The following JOSD1 variants were observed in gnomAD, a reference collection of about 807,000 sequenced individuals.
JOSD1 encodes Josephin domain containing 1, also known as josephin-1.
A neutral mutation model predicts 24.3 loss-of-function variants in JOSD1; 11 were observed. That is an observed-to-expected ratio of 0.45 (90% CI 0.29 to 0.75). The LOEUF (loss-of-function observed/expected upper bound fraction) is 0.75. Ranked by LOEUF, JOSD1 falls within the 30% of genes least tolerant of loss-of-function variation. The pLI is 0.11. For synonymous variants in JOSD1, 106 were observed against 93.8 expected (o/e 1.13, Z -0.75); for missense variants, 184 against 253.5 (o/e 0.73, Z 1.86).
At chr22:38,697,585 G>A (rs1326132687) in intron 2 of JOSD1, among the ~76,000 whole-genome samples, 4 of 152,274 alleles carry the variant, frequency 2.6e-5, no homozygotes, top group African/African-American at 9.6e-5. Flanking sequence ...GCAGCTGGAG[G>A]AACAGCTACT....
chr22:38,688,670 T>G (rs1476430910), intron 4 of JOSD1, among the ~76,000 whole-genome samples: 1 of 152,144 alleles, frequency 6.6e-6, no homozygotes, highest in Non-Finnish European at 1.5e-5. Context: ...TTGTCTTAAA[T>G]AGAGAGAACG....
chr22:38,689,155 T>G (rs2092511249), intron 3 of JOSD1, 26 bp from the exon 4 acceptor site: 1 of 1,606,372 alleles, frequency 6.2e-7, no homozygotes, highest in Non-Finnish European at 8.5e-7. Context: ...GGTGGCAGGC[T>G]CTGATGCAGC....
chr22:38,697,566 C>T (rs1047439988), intron 2 of JOSD1, among the ~76,000 whole-genome samples: 7 of 152,346 alleles, frequency 4.6e-5, no homozygotes, highest in Non-Finnish European at 2.9e-5. Flanking sequence ...TCAGTGCTGG[C>T]CCAGCTCAGC....
upstream of JOSD1, chr22:38,701,316 C>G (rs1232027844): frequency 6.6e-6 from 1 of 152,418 alleles, no homozygotes; most frequent in African/African-American, 2.4e-5. Flanking sequence ...GCAGCCAGGC[C>G]AGCGGCTGCA....
At position 38,688,981 on chromosome 22, in the gene JOSD1, A is replaced by C; in HGVS notation, c.463T>G (p.Ser155Ala). The C allele has an allele frequency of 6.2e-7, 1 of 1,614,070 alleles. No homozygotes were observed. The highest frequency in any genetic ancestry group is 8.5e-7 in the Non-Finnish European group (1 of 1,180,022). Reference protein sequence around the residue: ...EVGGAYYNLDSKLKMPEWIGG... With the variant: ...EVGGAYYNLDAKLKMPEWIGG... ...ATCCACTCGGGCATCTTGAGTTTGG[A>C]GTCGAGGTTGTAGTAGGCCCCTCCC... is the stretch of plus-strand genomic sequence containing the variant. The change falls in exon 4 of 5, where the codon TCC (serine) becomes GCC (alanine). Residue 155 changes from serine to alanine, a missense_variant. Transcript: ENST00000683374.
At chr22:38,695,767 A>C (rs2092543331) in intron 2 of JOSD1, among the ~76,000 whole-genome samples, 1 of 151,802 alleles carries the variant, frequency 6.6e-6, no homozygotes, top group East Asian at 2.0e-4. Context: ...TTTAATATTA[A>C]ATATCCAAGG....
At position 38,689,290 on chromosome 22, in the gene JOSD1, G is replaced by C; in HGVS notation, c.314+6C>G. 1.2e-6 allele frequency: 2 copies of C among 1,614,198 alleles called. No homozygotes were observed. The highest frequency in any genetic ancestry group is 1.1e-5 in the South Asian group (1 of 91,084). Reference sequence around the variant, plus strand: ...TCTCCATCAAGTCAAGCCTGATTCAGATTACCTGCGCTTGTCCCACCAAAC... The same window carrying C: ...TCTCCATCAAGTCAAGCCTGATTCACATTACCTGCGCTTGTCCCACCAAAC... On this transcript the variant is annotated splice_donor_region_variant and intron_variant, in intron 3 of 4. Transcript: ENST00000683374.
chr22:38,700,881 C>CT lies in JOSD1; in HGVS notation c.-714dup. The CT allele has an allele frequency of 1.0e-6, 1 of 984,560 alleles. No homozygotes were observed. Among genetic ancestry groups the CT allele is most frequent in the East Asian group, 1.1e-4 (1 of 8,802 alleles). 61.0% of individuals were successfully genotyped at this position (984,560 alleles called of 1,614,324 possible). A position where few individuals can be genotyped will look rare whatever the true frequency, so the allele number is the denominator to read the frequency against. ...GCAGACCCCAGGGCCGCCGGGACTG[C>CT]TCGCCGCTGGCGGTCCCCTCACCGC... On this transcript the variant is annotated 5_prime_UTR_variant, in exon 1 of 5. Coordinates refer to ENST00000683374, the MANE Select transcript of JOSD1 (RefSeq NM_001360236.2).
intron 2 of JOSD1, among the ~76,000 whole-genome samples, chr22:38,698,641 T>C (rs142094839): frequency 6.6e-6 from 1 of 152,190 alleles, no homozygotes; most frequent in African/African-American, 2.4e-5. Context: ...TCAGGCAAGA[T>C]CATCACCTGA....
intron 2 of JOSD1, among the ~76,000 whole-genome samples, chr22:38,695,454 T>C (rs893129967): frequency 6.6e-6 from 1 of 150,858 alleles, no homozygotes; most frequent in Non-Finnish European, 1.5e-5. Context: ...GTTTTTTTTT[T>C]TTTTTTTTTT....
intron 2 of JOSD1, among the ~76,000 whole-genome samples, chr22:38,696,394 C>A (rs1052175028): frequency 6.6e-6 from 1 of 151,886 alleles, no homozygotes; most frequent in Non-Finnish European, 1.5e-5. Flanking sequence ...TGTGCCATCA[C>A]CCCAGCTAAT....
chr22:38,689,433 G>A lies in JOSD1; in HGVS notation c.186-9C>T. The A allele has an allele frequency of 1.9e-6, 3 of 1,614,144 alleles. No individual in the cohort carries two copies. Among genetic ancestry groups the A allele is most frequent in the African/African-American group, 1.3e-5 (1 of 75,056 alleles). The stretch of plus-strand genomic sequence containing the variant: ...TGGTGTTTGGAGACAACCTACCAAT[G>A]TGAAAAGAGGAGGGCTGAGACTTGC... On this transcript the variant is annotated splice_polypyrimidine_tract_variant and intron_variant, in intron 2 of 4. Transcript: ENST00000683374.
intron 4 of JOSD1, among the ~76,000 whole-genome samples, chr22:38,688,453 G>A (rs915914788): frequency 4.0e-5 from 6 of 150,556 alleles, no homozygotes; most frequent in Non-Finnish European, 8.8e-5. Context: ...AGTAGAGACA[G>A]AGTTTCACCG....
At chr22:38,691,937 G>C (rs747219948) in intron 2 of JOSD1, among the ~76,000 whole-genome samples, 1 of 152,240 alleles carries the variant, frequency 6.6e-6, no homozygotes, top group Non-Finnish European at 1.5e-5. Flanking sequence ...GGGGCCTAAA[G>C]AGTGCCTGGC....
At position 38,687,953 on chromosome 22, in the gene JOSD1, C is replaced by G; in HGVS notation, c.558G>C (p.Leu186=). The G allele has an allele frequency of 1.2e-6, 2 of 1,614,054 alleles. No individual in the cohort carries two copies. Among genetic ancestry groups the G allele is most frequent in the Non-Finnish European group, 1.7e-6 (2 of 1,179,904 alleles). ...HLRGKNCELL[L]VVPEEVEAHQ... ...GAGCCTCTACCTCTTCTGGTACCACCAGCAGGAGTTCACAGTTCTTTCCTC... is the reference window on the plus strand; with the variant it reads ...GAGCCTCTACCTCTTCTGGTACCACGAGCAGGAGTTCACAGTTCTTTCCTC... Residue 186 remains leucine (L), a synonymous_variant, in exon 5 of 5, where the codon CTG becomes CTC. Coordinates refer to ENST00000683374, the MANE Select transcript of JOSD1 (RefSeq NM_001360236.2).
chr22:38,698,687 T>A (rs965657747), intron 2 of JOSD1, among the ~76,000 whole-genome samples: 1 of 152,168 alleles, frequency 6.6e-6, no homozygotes, highest in Non-Finnish European at 1.5e-5. Flanking sequence ...TTGTGTCCAT[T>A]AAGACACCAC....
intron 2 of JOSD1, among the ~76,000 whole-genome samples, chr22:38,690,046 C>A (rs2092515147): frequency 6.6e-6 from 1 of 151,974 alleles, no homozygotes; most frequent in Admixed American, 6.6e-5. Context: ...GTTTGCCCAC[C>A]CAGCTTGAAG....
chr22:38,698,618 C>A (rs2092554727), intron 2 of JOSD1, among the ~76,000 whole-genome samples: 1 of 152,190 alleles, frequency 6.6e-6, no homozygotes, highest in Non-Finnish European at 1.5e-5. Flanking sequence ...CTAACTACTT[C>A]TAGTCGGGGT....
rs552438724 is a variant in JOSD1, at chr22:38,688,512, C to T, written c.509+423G>A. 6.6e-5 allele frequency among the ~76,000 whole-genome samples: 10 copies of T among 152,224 alleles called. No homozygotes were observed. In the South Asian group the frequency reaches 1.9e-3, roughly 28 times the overall value. Reference sequence around the variant, plus strand: ...TCCTGACCTCAGGTGATCCACCCGCCTTGGCCTCCCAAAGTGCTGAGATTA... The same window carrying T: ...TCCTGACCTCAGGTGATCCACCCGCTTTGGCCTCCCAAAGTGCTGAGATTA... On this transcript the variant is annotated intron_variant, in intron 4 of 4. Transcript: ENST00000683374.
Sources: gnomAD v4.1 joint callset for allele counts (sites outside exome capture counted in the v4.1 genomes callset) on GRCh38, gnomAD v4.1.1 for gene constraint, MANE v1.5 for transcripts, NCBI Gene and HGNC (gene_info 2026-07-23, HGNC 2026-07-21) for gene names.